Variants in SINHCAF observed in about 807,000 individuals in gnomAD.
SINHCAF encodes the protein SIN3-HDAC complex-associated factor.
Under a neutral mutation model 25.8 loss-of-function variants are expected in SINHCAF, and 3 were observed. The ratio of observed to expected loss-of-function variants is 0.12; its 90% CI spans 0.05 to 0.30. The LOEUF is 0.30. Among genes scored for constraint, SINHCAF ranks in the 10% least tolerant of loss-of-function variants. The pLI, the probability that SINHCAF is intolerant of heterozygous loss-of-function variation, is 1.00. For synonymous variants in SINHCAF, 70 were observed against 85.5 expected (o/e 0.82, Z 1.00); for missense variants, 121 against 262.3 (o/e 0.46, Z 3.72).
chr12:31,320,835 A>G (rs1051432999), intron 1 of SINHCAF, among the ~76,000 whole-genome samples: 2 of 152,266 alleles, frequency 1.3e-5, no homozygotes, highest in East Asian at 1.9e-4. Context: ...GAGCAGGGGG[A>G]AGGAAATTAG....
intron 5 of SINHCAF, among the ~76,000 whole-genome samples, chr12:31,283,642 A>G (rs1029351825): frequency 2.0e-5 from 3 of 152,182 alleles, no homozygotes; most frequent in Non-Finnish European, 2.9e-5. Flanking sequence ...CAAAGGCATC[A>G]AAAATGACAA....
intron 5 of SINHCAF, among the ~76,000 whole-genome samples, chr12:31,283,689 G>A (rs1937907425): frequency 6.6e-6 from 1 of 151,920 alleles, no homozygotes; most frequent in South Asian, 2.1e-4. Context: ...TACTCTAAGG[G>A]AAAAAAGATC....
chr12:31,298,293 C>G, intron 1 of SINHCAF, 69 bp from the exon 2 acceptor site: 1 of 1,575,874 alleles, frequency 6.3e-7, no homozygotes. Flanking sequence ...AGAGTTCTCT[C>G]TGCTCCACCC....
chr12:31,288,802 T>C (rs186980327), intron 4 of SINHCAF, among the ~76,000 whole-genome samples: 1 of 152,258 alleles, frequency 6.6e-6, no homozygotes, highest in African/African-American at 2.4e-5. Context: ...GATCTCAAAC[T>C]AAATGAAAAG....
At chr12:31,316,449 A>T (rs1043128084) in intron 1 of SINHCAF, among the ~76,000 whole-genome samples, 4 of 152,166 alleles carry the variant, frequency 2.6e-5, no homozygotes, top group Non-Finnish European at 5.9e-5. Flanking sequence ...ATCTAACTTA[A>T]TGAATCTAAC....
At chr12:31,315,358 G>A (rs891220684) in intron 1 of SINHCAF, among the ~76,000 whole-genome samples, 1 of 152,166 alleles carries the variant, frequency 6.6e-6, no homozygotes, top group African/African-American at 2.4e-5. Flanking sequence ...TTTACAACCA[G>A]TATCTGTCAG....
intron 5 of SINHCAF, among the ~76,000 whole-genome samples, chr12:31,284,656 C>T (rs1390430900): frequency 6.6e-6 from 1 of 152,184 alleles, no homozygotes; most frequent in Non-Finnish European, 1.5e-5. Flanking sequence ...AATTTTTCCA[C>T]ATGAATAACC....
At chr12:31,283,681 C>T (rs1182940166) in intron 5 of SINHCAF, among the ~76,000 whole-genome samples, 1 of 152,006 alleles carries the variant, frequency 6.6e-6, no homozygotes, top group East Asian at 1.9e-4. Flanking sequence ...AGACCACATA[C>T]TCTAAGGGAA....
chr12:31,311,507 C>G (rs968829694), intron 1 of SINHCAF: 1 of 206,740 alleles, frequency 4.8e-6, no homozygotes, highest in East Asian at 1.3e-4. Context: ...AGAATCAGGA[C>G]TCCAGGCAGG....
At chr12:31,313,378 A>T (rs1169153498) in intron 1 of SINHCAF, among the ~76,000 whole-genome samples, 1 of 152,162 alleles carries the variant, frequency 6.6e-6, no homozygotes, top group Non-Finnish European at 1.5e-5. Flanking sequence ...TCATAAATTC[A>T]ATATGGGGCT....
At chr12:31,302,061 C>G (rs1017437206) in intron 1 of SINHCAF, among the ~76,000 whole-genome samples, 4 of 152,110 alleles carry the variant, frequency 2.6e-5, no homozygotes, top group African/African-American at 4.8e-5. Context: ...TCACTCAGCA[C>G]TATGTTTTAA....
At chr12:31,295,185 C>T (rs779252604) in intron 3 of SINHCAF, 49 bp downstream of exon 3, 2 of 1,130,266 alleles carry the variant, frequency 1.8e-6, no homozygotes, top group Non-Finnish European at 2.6e-6. Flanking sequence ...ATTAATGTTA[C>T]TTTAAATACA....
chr12:31,299,320 AT>A (rs1555113697), intron 1 of SINHCAF, among the ~76,000 whole-genome samples: 51 of 133,750 alleles, frequency 3.8e-4, no homozygotes, highest in Non-Finnish European at 3.2e-4. Context: ...AAAGAAAAAA[AT>A]TTTTTTTTTT....
At chr12:31,292,934 A>T (rs1369769629) in intron 4 of SINHCAF, among the ~76,000 whole-genome samples, 1 of 152,176 alleles carries the variant, frequency 6.6e-6, no homozygotes, top group Admixed American at 6.5e-5. Flanking sequence ...TCCAATAGAG[A>T]TCCACAACCC....
In SINHCAF at chr12:31,282,767, T is replaced by C. The variant is rs1355861312; in HGVS notation, c.611A>G (p.Glu204Gly). 6.2e-7 allele frequency: 1 copy of C among 1,613,430 alleles called. No individual in the cohort carries two copies. Among genetic ancestry groups the C allele is most frequent in the Admixed American group, 1.7e-5 (1 of 59,936 alleles). The change falls in exon 6 of 6, where the codon GAG (glutamate) becomes GGG (glycine). Residue 204 changes from glutamate to glycine, a missense_variant. Physicochemically the swap from Glu to Gly is moderately conservative, Grantham distance 98. Coordinates refer to ENST00000337682, the MANE Select transcript of SINHCAF (RefSeq NM_001135812.2). The part of the protein sequence containing the change: ...PCCSNKKAAA[E>G]KPEEQGPEPL... ...CTCTGGCCCCTGCTCCTCTGGCTTC[T>C]CAGCAGCTGCTTTCTTATTGCTGCA...
chr12:31,317,529 A>G (rs1328210520), intron 1 of SINHCAF, among the ~76,000 whole-genome samples: 3 of 152,176 alleles, frequency 2.0e-5, no homozygotes, highest in Admixed American at 1.3e-4. Flanking sequence ...TTCTTTTTAA[A>G]TTGGTTCTTA....
At chr12:31,283,521 T>C (rs1389713258) in intron 5 of SINHCAF, among the ~76,000 whole-genome samples, 2 of 151,966 alleles carry the variant, frequency 1.3e-5, no homozygotes, top group Non-Finnish European at 2.9e-5. Flanking sequence ...TAGAATCACT[T>C]GAACCCAGGA....
At chr12:31,286,662 CAAAA>C (rs999169211) in intron 5 of SINHCAF, among the ~76,000 whole-genome samples, 2 of 55,186 alleles carry the variant, frequency 3.6e-5, no homozygotes, top group Non-Finnish European at 8.1e-5. Flanking sequence ...AACTCCGTCT[CAAAA>C]AAAAAAAAAA....
intron 1 of SINHCAF, chr12:31,305,094 G>A (rs1938966041): frequency 6.6e-6 from 1 of 152,194 alleles, no homozygotes; most frequent in Non-Finnish European, 1.5e-5. Context: ...GATCTTTGGT[G>A]GGAGTCATGG....
Sources: gnomAD v4.1 joint callset for allele counts (sites outside exome capture counted in the v4.1 genomes callset) on GRCh38, gnomAD v4.1.1 for gene constraint, MANE v1.5 for transcripts, NCBI Gene and HGNC (gene_info 2026-07-23, HGNC 2026-07-21) for gene names.